Variants in KREMEN1 observed in about 807,000 individuals in gnomAD.
The protein encoded by KREMEN1 is kremen protein 1.
KREMEN1 carries 30 observed loss-of-function variants against 46.5 expected under a neutral mutation model. That is an observed-to-expected ratio of 0.65 (90% CI 0.48 to 0.88). The LOEUF is 0.88. KREMEN1 is among the 40% of genes least tolerant of loss of function. The pLI is 0.00. For missense variants in KREMEN1, 533 were observed against 596.9 expected, an observed-to-expected ratio of 0.89 and a Z score of 1.11; for synonymous variants, 214 against 230.6, an observed-to-expected ratio of 0.93 and a Z score of 0.65.
At chr22:29,104,923 A>G (rs189889121) in intron 3 of KREMEN1, among the ~76,000 whole-genome samples, 1 of 152,264 alleles carries the variant, frequency 6.6e-6, no homozygotes, top group Non-Finnish European at 1.5e-5. Flanking sequence ...AATCACAATA[A>G]CTTAGACATA....
intron 9 of KREMEN1, among the ~76,000 whole-genome samples, chr22:29,156,968 C>T (rs1478734649): frequency 1.3e-5 from 2 of 152,220 alleles, no homozygotes; most frequent in African/African-American, 2.4e-5. Flanking sequence ...GGGTGGATAA[C>T]ATCTCTTCTT....
intron 6 of KREMEN1, among the ~76,000 whole-genome samples, chr22:29,138,261 T>C (rs990916618): frequency 6.6e-6 from 1 of 152,180 alleles, no homozygotes; most frequent in Non-Finnish European, 1.5e-5. Flanking sequence ...GAAGAGGCCC[T>C]CTCTCCAGGT....
downstream of KREMEN1, among the ~76,000 whole-genome samples, chr22:29,149,685 C>T (rs1569340372): frequency 6.6e-6 from 1 of 152,196 alleles, no homozygotes; most frequent in African/African-American, 2.4e-5. Context: ...AACTGTCCCA[C>T]CTGAAGAACC....
downstream of KREMEN1, chr22:29,168,333 CAAAAA>C (rs60121498): frequency 1.6e-4 from 13 of 79,302 alleles, no homozygotes; most frequent in Non-Finnish European, 3.1e-4. Context: ...GACCCTGTCT[CAAAAA>C]AAAAAAAAAA....
chr22:29,091,479 G>A (rs1038176237), intron 1 of KREMEN1, among the ~76,000 whole-genome samples: 4 of 152,062 alleles, frequency 2.6e-5, no homozygotes, highest in African/African-American at 9.7e-5. Context: ...ATATTTAAGG[G>A]GTACAGTATG....
intron 3 of KREMEN1, among the ~76,000 whole-genome samples, chr22:29,109,727 C>T (rs541167834): frequency 5.3e-4 from 80 of 152,212 alleles, no homozygotes; most frequent in African/African-American, 1.8e-3. Context: ...ATTTACAGGA[C>T]GGATCAAAGG....
chr22:29,111,343 T>C (rs1601778646), intron 3 of KREMEN1, among the ~76,000 whole-genome samples: 1 of 147,006 alleles, frequency 6.8e-6, no homozygotes, highest in South Asian at 2.2e-4. Flanking sequence ...CCGGGTGCGG[T>C]GGCTCACGCC....
At chr22:29,100,378 T>C (rs2145774440) in intron 3 of KREMEN1, among the ~76,000 whole-genome samples, 1 of 152,296 alleles carries the variant, frequency 6.6e-6, no homozygotes, top group African/African-American at 2.4e-5. Context: ...CCTCCCAAAG[T>C]GCTGGGATTA....
At position 29,080,941 on chromosome 22, in the gene KREMEN1, CTT is replaced by C. The variant is rs71313000; in HGVS notation, c.97+7734_97+7735del. On this transcript the variant is annotated intron_variant, in intron 1 of 8. Coordinates refer to ENST00000400335, the MANE Select transcript of KREMEN1 (RefSeq NM_001039570.3). Reference sequence around the variant, plus strand: ...GTCCTGATTGTATTATTTTTTTGTCCTTTTTTTTTTTTTTTTTTTTTAGCGTC... The same window carrying C: ...GTCCTGATTGTATTATTTTTTTGTCCTTTTTTTTTTTTTTTTTTTAGCGTC... Among the ~76,000 whole-genome samples the C allele has an allele frequency of 1.8e-3, 205 of 112,236 alleles. 3 individuals carry two copies. Among genetic ancestry groups the C allele is most frequent in the African/African-American group, 6.5e-3 (185 of 28,458 alleles). 73.6% of individuals were successfully genotyped at this position (112,236 alleles called of 152,430 possible). A position where few individuals can be genotyped will look rare whatever the true frequency, so the allele number is the denominator to read the frequency against.
At chr22:29,125,200 C>G (rs2038421662) in intron 4 of KREMEN1, 63 bp from the exon 5 acceptor site, 1 of 1,578,382 alleles carries the variant, frequency 6.3e-7, no homozygotes, top group Non-Finnish European at 8.7e-7. Flanking sequence ...CCCTGCCAGG[C>G]TCCTTCAGGC....
chr22:29,134,909 C>T (rs2038632486), intron 5 of KREMEN1, among the ~76,000 whole-genome samples: 1 of 152,174 alleles, frequency 6.6e-6, no homozygotes, highest in Non-Finnish European at 1.5e-5. Flanking sequence ...CTCTTTCCCT[C>T]CCTCAGTGGT....
chr22:29,100,013 C>T (rs191367411), intron 3 of KREMEN1, among the ~76,000 whole-genome samples: 1 of 152,150 alleles, frequency 6.6e-6, no homozygotes, highest in African/African-American at 2.4e-5. Flanking sequence ...ACTGATTGTT[C>T]AGTCAGTTAC....
intron 9 of KREMEN1, chr22:29,154,794 C>T: frequency 6.6e-6 from 1 of 152,046 alleles, no homozygotes; most frequent in Non-Finnish European, 1.5e-5. Context: ...CCCAGGAGTT[C>T]AGAATCAGCC....
In KREMEN1 at chr22:29,096,892, G is replaced by A. The variant is rs147916432; in HGVS notation, c.261-1970G>A. Among the ~76,000 whole-genome samples, 174 of 152,272 alleles carry A rather than the reference G, an allele frequency of 1.1e-3. 1 individual carries two copies. In the East Asian group the frequency reaches 0.027, roughly 24 times the overall value. On this transcript the variant is annotated intron_variant, in intron 2 of 8. Coordinates refer to ENST00000400335, the MANE Select transcript of KREMEN1 (RefSeq NM_001039570.3). ...TACTTTGATTTCTCAACTGACACCC[G>A]ACACCATGTTTGTCTTGTGTGACTT...
chr22:29,160,621 A>C (rs2039003179), intron 9 of KREMEN1, among the ~76,000 whole-genome samples: 1 of 152,034 alleles, frequency 6.6e-6, no homozygotes, highest in Non-Finnish European at 1.5e-5. Context: ...TTGCTCCTGA[A>C]TGATTTTGGG....
intron 5 of KREMEN1, among the ~76,000 whole-genome samples, chr22:29,127,785 A>G (rs947141199): frequency 4.6e-5 from 7 of 152,220 alleles, no homozygotes; most frequent in Admixed American, 1.3e-4. Flanking sequence ...CATACATACC[A>G]ATGTTCCTAG....
intron 1 of KREMEN1, among the ~76,000 whole-genome samples, chr22:29,075,374 G>A (rs1569309014): frequency 6.6e-6 from 1 of 152,166 alleles, no homozygotes; most frequent in East Asian, 1.9e-4. Flanking sequence ...TTGGAAGCTA[G>A]TCTCTTCCCA....
intron 1 of KREMEN1, among the ~76,000 whole-genome samples, chr22:29,081,931 A>G (rs545122525): frequency 1.9e-4 from 29 of 152,144 alleles, no homozygotes; most frequent in Non-Finnish European, 3.8e-4. Flanking sequence ...TTATTTGTCT[A>G]TCCCATATCA....
At position 29,144,498 on chromosome 22, in the gene KREMEN1, G is replaced by C; in HGVS notation, c.*2386G>C. 1 of 985,492 alleles carries C rather than the reference G, an allele frequency of 1.0e-6. No individual in the cohort carries two copies. The highest frequency in any genetic ancestry group is 1.2e-6 in the Non-Finnish European group (1 of 829,968). 61.0% of individuals were successfully genotyped at this position (985,492 alleles called of 1,614,324 possible). A position where few individuals can be genotyped will look rare whatever the true frequency, so the allele number is the denominator to read the frequency against. Reference sequence around the variant, plus strand: ...ATGCTTTGATCTGGAAAGAGCAGCTGTCCGCAGGCCTCTGTCTCCAAGAGG... The same window carrying C: ...ATGCTTTGATCTGGAAAGAGCAGCTCTCCGCAGGCCTCTGTCTCCAAGAGG... On this transcript the variant is annotated 3_prime_UTR_variant, in exon 9 of 9. Coordinates refer to ENST00000400335, the MANE Select transcript of KREMEN1 (RefSeq NM_001039570.3).
Sources: gnomAD v4.1 joint callset for allele counts (sites outside exome capture counted in the v4.1 genomes callset) on GRCh38, gnomAD v4.1.1 for gene constraint, MANE v1.5 for transcripts, NCBI Gene and HGNC (gene_info 2026-07-23, HGNC 2026-07-21) for gene names.